ATE1: variants seen among roughly 807,000 people sequenced by gnomAD.
ATE1 encodes arginyltransferase 1.
A neutral mutation model predicts 70.5 loss-of-function variants in ATE1; 36 were observed. The ratio of observed to expected loss-of-function variants is 0.51; its 90% confidence interval spans 0.39 to 0.67. The LOEUF (loss-of-function observed/expected upper bound fraction) is 0.67. ATE1 is among the 30% of genes least tolerant of loss of function. ATE1 has a pLI of 0.00. For missense variants in ATE1, 593 were observed against 629.5 expected, an observed-to-expected ratio of 0.94 and a Z score of 0.62; for synonymous variants, 232 against 219.3, an observed-to-expected ratio of 1.06 and a Z score of -0.51.
chr10:121,833,528 T>C (rs962236422), intron 10 of ATE1, among the ~76,000 whole-genome samples: 3 of 151,926 alleles, frequency 2.0e-5, no homozygotes, highest in African/African-American at 7.3e-5. Flanking sequence ...TAAACTGCTA[T>C]GGGGTAGGTG....
At chr10:121,787,879 T>A (rs1392459068) in intron 11 of ATE1, among the ~76,000 whole-genome samples, 2 of 152,182 alleles carry the variant, frequency 1.3e-5, no homozygotes, top group Non-Finnish European at 2.9e-5. Context: ...CTCAACTTTA[T>A]AAAAGGAGAA....
intron 10 of ATE1, among the ~76,000 whole-genome samples, chr10:121,832,800 A>C (rs7923634): frequency 0.13 from 19,960 of 152,244 alleles, 1,502 homozygotes; most frequent in East Asian, 0.19. Flanking sequence ...AGTAAAAGAC[A>C]AGTGTCCGCA....
At chr10:121,745,499 G>A (rs868743877) in intron 11 of ATE1, among the ~76,000 whole-genome samples, 7 of 152,048 alleles carry the variant, frequency 4.6e-5, no homozygotes, top group East Asian at 1.9e-4. Flanking sequence ...GGCAAATCAC[G>A]AGGTCAGGAG....
At chr10:121,873,122 T>C (rs1460961664) in intron 7 of ATE1, among the ~76,000 whole-genome samples, 1 of 152,166 alleles carries the variant, frequency 6.6e-6, no homozygotes, top group African/African-American at 2.4e-5. Context: ...ACCTGCATGA[T>C]ATTTGGCTTT....
chr10:121,793,639 T>C (rs994168805), intron 10 of ATE1, among the ~76,000 whole-genome samples: 3 of 152,224 alleles, frequency 2.0e-5, no homozygotes, highest in African/African-American at 7.2e-5. Context: ...TTTTTCTTTT[T>C]CATAAAGTTG....
chr10:121,874,337 G>C (rs898945803), intron 7 of ATE1, among the ~76,000 whole-genome samples: 2 of 152,158 alleles, frequency 1.3e-5, no homozygotes, highest in Non-Finnish European at 2.9e-5. Flanking sequence ...TGTAAAGAAT[G>C]TCTCTGATAA....
chr10:121,872,008 C>G (rs1949878403), intron 7 of ATE1, among the ~76,000 whole-genome samples: 1 of 152,156 alleles, frequency 6.6e-6, no homozygotes, highest in Admixed American at 6.6e-5. Context: ...AGTTCAAAGC[C>G]TAGCCAGTTT....
At chr10:121,860,719 T>A (rs1005802094) in intron 8 of ATE1, among the ~76,000 whole-genome samples, 2 of 152,246 alleles carry the variant, frequency 1.3e-5, no homozygotes, top group Non-Finnish European at 2.9e-5. Flanking sequence ...TTTTCTTTAC[T>A]TTGACATTTC....
intron 8 of ATE1, among the ~76,000 whole-genome samples, chr10:121,860,812 T>G (rs1343788207): frequency 6.6e-6 from 1 of 152,218 alleles, no homozygotes; most frequent in Non-Finnish European, 1.5e-5. Context: ...AATCCCGAAC[T>G]TCTCAATTCT....
At chr10:121,887,161 A>G (rs1412059063) in intron 7 of ATE1, among the ~76,000 whole-genome samples, 1 of 150,400 alleles carries the variant, frequency 6.6e-6, no homozygotes, top group Non-Finnish European at 1.5e-5. Flanking sequence ...CCAAGATGAA[A>G]GAGCAAAGGG....
At chr10:121,836,179 A>G (rs1403452629) in intron 10 of ATE1, among the ~76,000 whole-genome samples, 2 of 151,912 alleles carry the variant, frequency 1.3e-5, no homozygotes, top group East Asian at 3.9e-4. Context: ...CCTCTTCCAC[A>G]TCTTCTATAG....
intron 10 of ATE1, among the ~76,000 whole-genome samples, chr10:121,811,713 TC>T (rs1239562588): frequency 1.3e-5 from 2 of 152,094 alleles, no homozygotes; most frequent in Non-Finnish European, 2.9e-5. Flanking sequence ...TCAGCAAAAC[TC>T]CTGGGAATGA....
chr10:121,911,196 A>T (rs1039060335), intron 4 of ATE1, 45 bp from the exon 5 acceptor site: 3 of 1,588,612 alleles, frequency 1.9e-6, no homozygotes, highest in Admixed American at 1.9e-5. Flanking sequence ...GGGTTATTTG[A>T]TACAGTTAGG....
chr10:121,898,704 ATGAGTCATG>A lies in ATE1; in HGVS notation c.942+1153_942+1161del, dbSNP rs1950866628. The A allele has an allele frequency of 4.2e-6, 4 of 961,420 alleles. No individual in the cohort carries two copies. In the African/African-American group the frequency reaches 6.7e-5, roughly 16 times the overall value. 59.6% of individuals were successfully genotyped at this position (961,420 alleles called of 1,614,324 possible). A position where few individuals can be genotyped will look rare whatever the true frequency, so the allele number is the denominator to read the frequency against. On this transcript the variant is annotated intron_variant, in intron 7 of 11. Coordinates refer to ENST00000224652, the MANE Select transcript of ATE1 (RefSeq NM_001001976.3). Reference sequence around the variant, plus strand: ...CTAAGGATTTAAAATGCTCACATGTATGAGTCATGTGAGTGTTCACAGAAGTTCAGTAAT... The same window carrying A: ...CTAAGGATTTAAAATGCTCACATGTATGAGTGTTCACAGAAGTTCAGTAAT...
In ATE1 at chr10:121,790,187, T is replaced by C; in HGVS notation, c.1360A>G (p.Asn454Asp). 6.2e-7 allele frequency: 1 copy of C among 1,614,036 alleles called. No homozygotes were observed. The highest frequency in any genetic ancestry group is 8.5e-7 in the Non-Finnish European group (1 of 1,179,938). Residue 454 changes from asparagine (N) to aspartate (D), a missense_variant, in exon 11 of 12, where the codon AAC becomes GAC. Asn to Asp is a conservative substitution (Grantham distance 23). Coordinates refer to ENST00000224652, the MANE Select transcript of ATE1 (RefSeq NM_001001976.3). ...SLENSKYCRF[N>D]QDPEAVDEDR... ...AACATACCTGCTTCTGGGTCCTGGT[T>C]GAAACGGCAGTACTTGGAGTTTTCA... is the stretch of plus-strand genomic sequence containing the variant.
At chr10:121,890,172 A>G (rs546526029) in intron 7 of ATE1, among the ~76,000 whole-genome samples, 3 of 152,354 alleles carry the variant, frequency 2.0e-5, no homozygotes, top group Admixed American at 6.5e-5. Flanking sequence ...AAAAAAATTA[A>G]GAAGCTGCCC....
At chr10:121,797,500 C>T (rs1946704107) in intron 10 of ATE1, among the ~76,000 whole-genome samples, 2 of 152,032 alleles carry the variant, frequency 1.3e-5, no homozygotes, top group South Asian at 4.1e-4. Flanking sequence ...TCCCCTTGCC[C>T]CCTAGCCCCT....
At chr10:121,841,677 A>C (rs1948634373) in intron 8 of ATE1, among the ~76,000 whole-genome samples, 1 of 152,188 alleles carries the variant, frequency 6.6e-6, no homozygotes, top group South Asian at 2.1e-4. Context: ...TGGAACACCA[A>C]ACACTGTATC....
intron 10 of ATE1, among the ~76,000 whole-genome samples, chr10:121,835,788 G>A (rs763815574): frequency 8.5e-5 from 13 of 152,122 alleles, no homozygotes; most frequent in Non-Finnish European, 1.5e-4. Context: ...TCAAGAGAGG[G>A]TGGAGGTGGC....
Sources: allele counts gnomAD v4.1 joint callset (sites outside exome capture counted in the v4.1 genomes callset), GRCh38; gene constraint gnomAD v4.1.1; transcripts MANE v1.5; gene names NCBI Gene and HGNC (gene_info 2026-07-23, HGNC 2026-07-21).